COL25A1: variants seen among roughly 807,000 people sequenced by gnomAD.
COL25A1 encodes the protein collagen type XXV alpha 1 chain, also known as collagen alpha-1(XXV) chain.
In COL25A1, 103 loss-of-function variants were observed where a neutral mutation model predicts 128.4. The observed-to-expected ratio is 0.80, with a 90% CI of 0.68 to 0.94. The LOEUF is 0.94. COL25A1 is among the 40% of genes least tolerant of loss of function. The pLI is 0.00. For synonymous variants in COL25A1, 279 were observed against 277.2 expected (o/e 1.01, Z -0.06); for missense variants, 745 against 840.0 (o/e 0.89, Z 1.40).
At chr4:109,256,495 T>C (rs1781097638) in intron 3 of COL25A1, among the ~76,000 whole-genome samples, 1 of 152,166 alleles carries the variant, frequency 6.6e-6, no homozygotes, top group African/African-American at 2.4e-5. Flanking sequence ...AAAGGGTTTT[T>C]TAATTTATTT....
intron 3 of COL25A1, among the ~76,000 whole-genome samples, chr4:109,252,635 G>A (rs558164481): frequency 3.9e-5 from 6 of 152,238 alleles, no homozygotes; most frequent in South Asian, 4.1e-4. Flanking sequence ...TGTCACCAAC[G>A]TTCCAATCAG....
chr4:108,994,806 G>A (rs900290344), intron 6 of COL25A1, among the ~76,000 whole-genome samples: 24 of 152,294 alleles, frequency 1.6e-4, no homozygotes, highest in African/African-American at 3.4e-4. Flanking sequence ...TGCAGCCTCC[G>A]CTAGTGATAC....
At chr4:109,001,372 C>CAGGCATCTGAGGTCCTGTCAGGT (rs1755349513) in intron 6 of COL25A1, among the ~76,000 whole-genome samples, 3 of 24,228 alleles carry the variant, frequency 1.2e-4, no homozygotes, top group South Asian at 2.3e-3. Flanking sequence ...TTAAAAGAAA[C>CAGGCATCTGAGGTCCTGTCAGGT]AGGCATCTGA....
At chr4:109,103,102 C>T (rs1438399866) in intron 3 of COL25A1, among the ~76,000 whole-genome samples, 3 of 152,176 alleles carry the variant, frequency 2.0e-5, no homozygotes, top group Non-Finnish European at 4.4e-5. Flanking sequence ...AAGCAACACA[C>T]TGATGTTCTG....
chr4:109,016,372 T>C (rs1757218570), intron 5 of COL25A1, among the ~76,000 whole-genome samples: 1 of 152,226 alleles, frequency 6.6e-6, no homozygotes, highest in Non-Finnish European at 1.5e-5. Context: ...CAGGTGCCTC[T>C]TGGCATGAAC....
chr4:108,839,453 G>A (rs538036239), intron 31 of COL25A1, among the ~76,000 whole-genome samples: 6 of 152,240 alleles, frequency 3.9e-5, no homozygotes, highest in Non-Finnish European at 5.9e-5. Context: ...CAGTATCCCG[G>A]GAATGCTATT....
chr4:109,239,574 A>G (rs1779742554), intron 3 of COL25A1, among the ~76,000 whole-genome samples: 1 of 151,602 alleles, frequency 6.6e-6, no homozygotes, highest in Non-Finnish European at 1.5e-5. Flanking sequence ...TGGTACTTGT[A>G]TAAGTCACTT....
intron 11 of COL25A1, among the ~76,000 whole-genome samples, chr4:108,928,356 T>A (rs1013475750): frequency 5.9e-5 from 9 of 152,212 alleles, no homozygotes; most frequent in Admixed American, 2.6e-4. Flanking sequence ...CCTAGATGGA[T>A]CTGCACTGTC....
Position 108,973,238 on chromosome 4 carries a change from C to T in COL25A1, c.492+1129G>A, listed in dbSNP as rs904721516. Among the ~76,000 whole-genome samples, 17 of 152,268 alleles carry T rather than the reference C, an allele frequency of 1.1e-4. No homozygotes were observed. In the East Asian group the frequency reaches 1.2e-3, roughly 10 times the overall value. On this transcript the variant is annotated intron_variant, in intron 8 of 37. Transcript: ENST00000399132. ...TATTCACATCCATGACAGTGGATAA[C>T]GTGGTGTTTAATCTCCTAAAATGAG...
intron 3 of COL25A1, among the ~76,000 whole-genome samples, chr4:109,144,836 A>G (rs982910552): frequency 2.0e-5 from 3 of 152,286 alleles, no homozygotes; most frequent in Admixed American, 6.5e-5. Flanking sequence ...AATTGTTCCT[A>G]TGTGAGACAT....
intron 5 of COL25A1, among the ~76,000 whole-genome samples, chr4:109,047,728 C>CTTT (rs59105153): frequency 1.1e-4 from 15 of 132,190 alleles, no homozygotes; most frequent in South Asian, 2.3e-4. Context: ...TAAGTATACT[C>CTTT]TTTTTTTTTT....
chr4:109,010,301 C>T (rs4995475), intron 6 of COL25A1, 57 bp downstream of exon 6: 545,641 of 1,379,668 alleles, frequency 0.4, 118,843 homozygotes, highest in African/African-American at 0.78. Flanking sequence ...GCAGAAAGAC[C>T]TCCACACTGG....
At chr4:109,275,091 G>A (rs890026560) in intron 3 of COL25A1, among the ~76,000 whole-genome samples, 2 of 152,128 alleles carry the variant, frequency 1.3e-5, no homozygotes, top group Non-Finnish European at 2.9e-5. Flanking sequence ...CTCTACAAAA[G>A]GGCACTCTAA....
Position 108,809,000 on chromosome 4 carries a change from T to A in COL25A1, c.*4927A>T, listed in dbSNP as rs1325788428. ...GATACAGTAATGTCAGCTGGAGAAATTACAAGGAAATTAAAATAAAAATTG... is the reference window on the plus strand; with the variant it reads ...GATACAGTAATGTCAGCTGGAGAAAATACAAGGAAATTAAAATAAAAATTG... On this transcript the variant is annotated 3_prime_UTR_variant, in exon 38 of 38. Coordinates refer to ENST00000399132, the MANE Select transcript of COL25A1 (RefSeq NM_198721.4). The A allele has an allele frequency of 2.0e-5, 3 of 152,080 alleles. No homozygotes were observed. Among genetic ancestry groups the A allele is most frequent in the Admixed American group, 2.0e-4 (3 of 15,260 alleles). 9.4% of individuals were successfully genotyped at this position (152,080 alleles called of 1,614,324 possible).
At chr4:109,217,589 C>T (rs770000388) in intron 3 of COL25A1, among the ~76,000 whole-genome samples, 1 of 151,406 alleles carries the variant, frequency 6.6e-6, no homozygotes, top group African/African-American at 2.4e-5. Context: ...TACAGGTAGG[C>T]GCTGACAAGC....
intron 6 of COL25A1, among the ~76,000 whole-genome samples, chr4:109,001,372 C>CAGGCATCTGAGATCTTGTCAGGT (rs1755350363): frequency 8.3e-5 from 2 of 24,148 alleles, no homozygotes; most frequent in Non-Finnish European, 1.3e-4. Flanking sequence ...TTAAAAGAAA[C>CAGGCATCTGAGATCTTGTCAGGT]AGGCATCTGA....
At chr4:109,160,999 ACT>A (rs1772519833) in intron 3 of COL25A1, among the ~76,000 whole-genome samples, 1 of 151,966 alleles carries the variant, frequency 6.6e-6, no homozygotes, top group Non-Finnish European at 1.5e-5. Context: ...ACATAGTATA[ACT>A]CTTTTTCTAA....
At chr4:109,185,594 A>G (rs1303635401) in intron 3 of COL25A1, among the ~76,000 whole-genome samples, 2 of 152,186 alleles carry the variant, frequency 1.3e-5, no homozygotes, top group African/African-American at 4.8e-5. Flanking sequence ...TAAGGATGGA[A>G]TATTGGGGCC....
chr4:109,024,167 TA>T (rs1758022668), intron 5 of COL25A1, among the ~76,000 whole-genome samples: 2 of 152,104 alleles, frequency 1.3e-5, no homozygotes, highest in Admixed American at 1.3e-4. Flanking sequence ...ACATTTAAAG[TA>T]AGCTAGGCTA....
Sources: gnomAD v4.1 joint callset for allele counts (sites outside exome capture counted in the v4.1 genomes callset) on GRCh38, gnomAD v4.1.1 for gene constraint, MANE v1.5 for transcripts, NCBI Gene and HGNC (gene_info 2026-07-23, HGNC 2026-07-21) for gene names.